The following IKZF2 variants were observed in gnomAD, a reference collection of about 807,000 sequenced individuals.
IKZF2 encodes the protein zinc finger protein Helios.
In IKZF2, 15 loss-of-function variants were observed where a neutral mutation model predicts 49.2. The observed-to-expected ratio is 0.30, with a 90% CI of 0.20 to 0.47. The LOEUF is 0.47. Among genes scored for constraint, IKZF2 ranks in the 20% least tolerant of loss-of-function variants. IKZF2 has a pLI of 1.00. For synonymous variants in IKZF2, 227 were observed against 221.4 expected, an observed-to-expected ratio of 1.03 and a Z score of -0.23; for missense variants, 567 against 664.6, an observed-to-expected ratio of 0.85 and a Z score of 1.61.
At chr2:213,133,187 A>T (rs1332506184) in intron 4 of IKZF2, among the ~76,000 whole-genome samples, 1 of 152,210 alleles carries the variant, frequency 6.6e-6, no homozygotes, top group East Asian at 1.9e-4. Flanking sequence ...CTAACAATAA[A>T]ATAGGAGCTA....
intron 4 of IKZF2, among the ~76,000 whole-genome samples, chr2:213,109,670 T>A (rs1439932975): frequency 6.6e-6 from 1 of 152,040 alleles, no homozygotes; most frequent in Non-Finnish European, 1.5e-5. Flanking sequence ...CTATGACCAC[T>A]AATGAAAATA....
At chr2:213,058,144 T>C (rs1382242759) in intron 4 of IKZF2, among the ~76,000 whole-genome samples, 1 of 152,112 alleles carries the variant, frequency 6.6e-6, no homozygotes, top group Admixed American at 6.6e-5. Context: ...GTTGTTTTCT[T>C]AGAGAAACCA....
chr2:213,116,001 C>G (rs73077291), intron 4 of IKZF2, among the ~76,000 whole-genome samples: 1,920 of 151,934 alleles, frequency 0.013, 34 homozygotes, highest in African/African-American at 0.044. Context: ...AGGTTAAACT[C>G]TTAAATATAG....
At chr2:213,072,294 T>C (rs898662530) in intron 4 of IKZF2, among the ~76,000 whole-genome samples, 6 of 120,582 alleles carry the variant, frequency 5.0e-5, no homozygotes, top group East Asian at 1.9e-4. Context: ...TTCCTTTCCT[T>C]TGTTTTTTTT....
chr2:213,060,426 T>C (rs1701574405), intron 4 of IKZF2, among the ~76,000 whole-genome samples: 1 of 151,398 alleles, frequency 6.6e-6, no homozygotes, highest in South Asian at 2.1e-4. Context: ...TCAGAGTGCT[T>C]TACTTTTCAA....
intron 4 of IKZF2, among the ~76,000 whole-genome samples, chr2:213,095,822 G>T (rs73990524): frequency 0.088 from 13,417 of 151,940 alleles, 1,066 homozygotes; most frequent in African/African-American, 0.21. Context: ...AAATTCAGGG[G>T]AAATTCCTAA....
intron 4 of IKZF2, among the ~76,000 whole-genome samples, chr2:213,073,844 T>C (rs781168631): frequency 3.3e-5 from 5 of 152,192 alleles, no homozygotes; most frequent in Admixed American, 6.5e-5. Flanking sequence ...ATGTGAAGAA[T>C]TATCTCTAAA....
At chr2:213,021,821 T>G (rs1409445073) in intron 7 of IKZF2, 172 bp downstream of exon 7, 2 of 672,542 alleles carry the variant, frequency 3.0e-6, no homozygotes, top group Admixed American at 2.9e-5. Context: ...TCAGAAATAA[T>G]TTGGGAGTAT....
chr2:213,042,445 C>A (rs1050020847), intron 6 of IKZF2, among the ~76,000 whole-genome samples: 5 of 152,172 alleles, frequency 3.3e-5, no homozygotes, highest in African/African-American at 1.2e-4. Context: ...TCCGAGTATA[C>A]TTCTAGCAGT....
intron 4 of IKZF2, among the ~76,000 whole-genome samples, chr2:213,087,843 G>A (rs1051033277): frequency 5.9e-5 from 9 of 152,026 alleles, no homozygotes; most frequent in Non-Finnish European, 7.4e-5. Flanking sequence ...ATCCTTTTTC[G>A]TGGCTGCATA....
At chr2:213,140,583 T>C (rs1444302612) in intron 4 of IKZF2, among the ~76,000 whole-genome samples, 1 of 151,932 alleles carries the variant, frequency 6.6e-6, no homozygotes, top group African/African-American at 2.4e-5. Context: ...CTGGAGTATA[T>C]GGCATACATT....
At chr2:213,060,352 C>T (rs924666415) in intron 4 of IKZF2, among the ~76,000 whole-genome samples, 2 of 151,120 alleles carry the variant, frequency 1.3e-5, no homozygotes, top group African/African-American at 2.4e-5. Flanking sequence ...TTATAATATT[C>T]GTAGCTACAC....
At chr2:213,030,121 G>T (rs1490763905) in intron 6 of IKZF2, among the ~76,000 whole-genome samples, 8 of 151,842 alleles carry the variant, frequency 5.3e-5, no homozygotes. Flanking sequence ...TTACCTATTT[G>T]ACTTATGCTT....
chr2:213,079,509 A>G lies in IKZF2; in HGVS notation c.140-22410T>C, dbSNP rs185370682. ...AGAAAAAAAGAAAGAGAGAGAGAGAAGAAAGGAAGGAAGGCAGGAAGGGAG... is the reference window on the plus strand; with the variant it reads ...AGAAAAAAAGAAAGAGAGAGAGAGAGGAAAGGAAGGAAGGCAGGAAGGGAG... On this transcript the variant is annotated intron_variant, in intron 4 of 8. Coordinates refer to ENST00000434687, the MANE Select transcript of IKZF2 (RefSeq NM_001387220.1). Among the ~76,000 whole-genome samples the G allele has an allele frequency of 1.6e-3, 237 of 149,886 alleles. 5 individuals are homozygous for G. Among genetic ancestry groups the G allele is most frequent in the Non-Finnish European group, 6.8e-4 (46 of 67,372 alleles).
At chr2:213,050,323 A>T (rs1700555872) in intron 5 of IKZF2, among the ~76,000 whole-genome samples, 2 of 152,204 alleles carry the variant, frequency 1.3e-5, no homozygotes, top group Admixed American at 1.3e-4. Flanking sequence ...AGAGCTAGAA[A>T]GTAGTCAAGG....
intron 4 of IKZF2, among the ~76,000 whole-genome samples, chr2:213,067,921 T>C (rs569735488): frequency 1.5e-4 from 23 of 152,284 alleles, no homozygotes; most frequent in Admixed American, 1.3e-4. Flanking sequence ...AATATTCTCA[T>C]AAGATCACTA....
At chr2:213,132,071 C>G (rs1415876672) in intron 4 of IKZF2, among the ~76,000 whole-genome samples, 8 of 152,128 alleles carry the variant, frequency 5.3e-5, no homozygotes, top group Admixed American at 5.2e-4. Context: ...TTAACCCTCA[C>G]AACAACTCCA....
intron 7 of IKZF2, among the ~76,000 whole-genome samples, chr2:213,020,284 C>T (rs539928091): frequency 6.6e-6 from 1 of 152,022 alleles, no homozygotes; most frequent in East Asian, 1.9e-4. Flanking sequence ...TGGTAAATAA[C>T]AAATTTATAG....
intron 6 of IKZF2, among the ~76,000 whole-genome samples, chr2:213,046,789 G>A (rs1322567755): frequency 2.0e-5 from 3 of 152,102 alleles, no homozygotes; most frequent in South Asian, 2.1e-4. Context: ...TGTAGTGAAG[G>A]CTGTTAGTAA....
Sources: allele counts gnomAD v4.1 joint callset (sites outside exome capture counted in the v4.1 genomes callset), GRCh38; gene constraint gnomAD v4.1.1; transcripts MANE v1.5; gene names NCBI Gene and HGNC (gene_info 2026-07-23, HGNC 2026-07-21).